Variants in PDE4B observed in about 807,000 individuals in gnomAD.
PDE4B encodes phosphodiesterase 4B, also known as 3',5'-cyclic-AMP phosphodiesterase 4B.
PDE4B carries 20 observed loss-of-function variants against 82.2 expected under a neutral mutation model. The observed-to-expected ratio is 0.24, with a 90% confidence interval of 0.17 to 0.35. The LOEUF (loss-of-function observed/expected upper bound fraction) is 0.35. Ranked by LOEUF, PDE4B falls within the 10% of genes least tolerant of loss-of-function variation. The pLI, the probability that PDE4B is intolerant of heterozygous loss-of-function variation, is 1.00. For missense variants in PDE4B, 655 were observed against 907.2 expected (o/e 0.72, Z 3.57); for synonymous variants, 320 against 318.9 (o/e 1.00, Z -0.04).
At chr1:66,033,605 A>G (rs1653910368) in intron 3 of PDE4B, among the ~76,000 whole-genome samples, 1 of 152,066 alleles carries the variant, frequency 6.6e-6, no homozygotes, top group Admixed American at 6.6e-5. Context: ...TTTACTTAGA[A>G]TCTTACTTGG....
At chr1:66,188,174 G>C (rs2101454812) in intron 3 of PDE4B, among the ~76,000 whole-genome samples, 1 of 152,084 alleles carries the variant, frequency 6.6e-6, no homozygotes, top group Non-Finnish European at 1.5e-5. Context: ...CTGAGTTCTA[G>C]TTTGATTGCA....
chr1:66,028,923 C>G (rs949168548), intron 3 of PDE4B, among the ~76,000 whole-genome samples: 4 of 152,198 alleles, frequency 2.6e-5, no homozygotes, highest in Non-Finnish European at 5.9e-5. Flanking sequence ...ATTTTCCTGT[C>G]TTCTTCTGAG....
At chr1:66,017,841 T>A (rs74856312) in intron 3 of PDE4B, among the ~76,000 whole-genome samples, 6,182 of 150,940 alleles carry the variant, frequency 0.041, 439 homozygotes, top group East Asian at 0.35. Context: ...TTAAAAAATA[T>A]ATATATATAT....
At position 65,808,579 on chromosome 1, in the gene PDE4B, G is replaced by A. The variant is rs140210092; in HGVS notation, c.-71+15331G>A. ...AATGGGAGGACGTGTTTGAAAGGTG[G>A]GCTGAGATCACACTGTGAACTTTGA... On this transcript the variant is annotated intron_variant, in intron 1 of 16. Transcript: ENST00000341517. 2.0e-3 allele frequency among the ~76,000 whole-genome samples: 302 copies of A among 152,260 alleles called. 3 individuals carry two copies. The highest frequency in any genetic ancestry group is 6.7e-3 in the African/African-American group (280 of 41,546).
chr1:65,885,071 A>G (rs1469871401), intron 1 of PDE4B, among the ~76,000 whole-genome samples: 1 of 152,262 alleles, frequency 6.6e-6, no homozygotes, highest in African/African-American at 2.4e-5. Flanking sequence ...GACACTTCTC[A>G]AAAGAGGACA....
chr1:65,891,466 A>G (rs945854506), intron 1 of PDE4B, among the ~76,000 whole-genome samples: 1 of 152,066 alleles, frequency 6.6e-6, no homozygotes, highest in African/African-American at 2.4e-5. Flanking sequence ...TTATATAACT[A>G]TACTGTATAA....
At chr1:65,988,468 G>T (rs1651067598) in intron 3 of PDE4B, among the ~76,000 whole-genome samples, 1 of 152,028 alleles carries the variant, frequency 6.6e-6, no homozygotes, top group Admixed American at 6.6e-5. Context: ...CTGTTACCTT[G>T]TCTTTGACTG....
intron 3 of PDE4B, among the ~76,000 whole-genome samples, chr1:66,090,715 G>A (rs6650098): frequency 9.2e-6 from 1 of 109,056 alleles, no homozygotes; most frequent in Admixed American, 9.2e-5. Flanking sequence ...ATATATGTGT[G>A]TGTATATGTA....
intron 7 of PDE4B, among the ~76,000 whole-genome samples, chr1:66,300,867 C>G (rs1657841165): frequency 6.6e-6 from 1 of 152,128 alleles, no homozygotes; most frequent in Admixed American, 6.6e-5. Context: ...CATAGATGGC[C>G]TATTCTCTGT....
intron 1 of PDE4B, among the ~76,000 whole-genome samples, chr1:65,841,296 C>T (rs1397159503): frequency 3.4e-5 from 5 of 149,136 alleles, no homozygotes; most frequent in African/African-American, 1.2e-4. Context: ...GAGCGAGACT[C>T]TGCCTTCAAA....
At chr1:66,151,703 C>G (rs1177038353) in intron 3 of PDE4B, among the ~76,000 whole-genome samples, 1 of 152,158 alleles carries the variant, frequency 6.6e-6, no homozygotes, top group African/African-American at 2.4e-5. Flanking sequence ...AATCTGGGTA[C>G]TTTTTGTTAA....
chr1:66,157,257 C>A (rs1646519334), intron 3 of PDE4B, among the ~76,000 whole-genome samples: 1 of 152,166 alleles, frequency 6.6e-6, no homozygotes, highest in Non-Finnish European at 1.5e-5. Context: ...CTAGTTATTA[C>A]TACCTACACC....
intron 7 of PDE4B, among the ~76,000 whole-genome samples, chr1:66,314,530 A>G (rs1276108450): frequency 2.0e-5 from 3 of 152,006 alleles, no homozygotes; most frequent in Non-Finnish European, 4.4e-5. Flanking sequence ...CTCCTACCTC[A>G]GTCTACTGAG....
intron 1 of PDE4B, among the ~76,000 whole-genome samples, chr1:65,878,266 C>T (rs373656998): frequency 2.6e-5 from 4 of 152,294 alleles, no homozygotes; most frequent in South Asian, 4.1e-4. Flanking sequence ...AATAGGAACA[C>T]TTTTACATTG....
intron 9 of PDE4B, among the ~76,000 whole-genome samples, chr1:66,360,211 A>G (rs1662642535): frequency 6.6e-6 from 1 of 152,188 alleles, no homozygotes; most frequent in Admixed American, 6.5e-5. Flanking sequence ...TTCCTAAGCA[A>G]AAGTCATAGG....
chr1:65,799,388 CT>C (rs904286947), intron 1 of PDE4B, among the ~76,000 whole-genome samples: 2 of 152,042 alleles, frequency 1.3e-5, no homozygotes, highest in African/African-American at 4.8e-5. Flanking sequence ...CTCAGTACCC[CT>C]TTTTTAACAA....
At chr1:66,126,042 G>T (rs988953829) in intron 3 of PDE4B, among the ~76,000 whole-genome samples, 3 of 151,986 alleles carry the variant, frequency 2.0e-5, no homozygotes, top group Non-Finnish European at 2.9e-5. Context: ...CTGACCTCAG[G>T]TGATCCACCC....
chr1:65,928,318 T>G (rs1647624695), intron 3 of PDE4B, among the ~76,000 whole-genome samples: 1 of 152,192 alleles, frequency 6.6e-6, no homozygotes, highest in South Asian at 2.1e-4. Flanking sequence ...GACCTAGAAG[T>G]TTTCTGCTAG....
At chr1:66,137,648 A>T (rs1646085920) in intron 3 of PDE4B, among the ~76,000 whole-genome samples, 1 of 152,212 alleles carries the variant, frequency 6.6e-6, no homozygotes, top group Non-Finnish European at 1.5e-5. Context: ...GGACAGCATG[A>T]AGAGTCCCCA....
Sources: gnomAD v4.1 joint callset for allele counts (sites outside exome capture counted in the v4.1 genomes callset) on GRCh38, gnomAD v4.1.1 for gene constraint, MANE v1.5 for transcripts, NCBI Gene and HGNC (gene_info 2026-07-23, HGNC 2026-07-21) for gene names.